The following SPHKAP variants were observed in gnomAD, a reference collection of about 807,000 sequenced individuals.
SPHKAP encodes the protein A-kinase anchor protein SPHKAP.
Under a neutral mutation model 137.5 loss-of-function variants are expected in SPHKAP, and 67 were observed. That is an observed-to-expected ratio of 0.49 (90% confidence interval 0.40 to 0.60). The LOEUF (loss-of-function observed/expected upper bound fraction) is 0.60. Among genes scored for constraint, SPHKAP ranks in the 20% least tolerant of loss-of-function variants. SPHKAP has a pLI of 0.00. For missense variants in SPHKAP, 2,097 were observed against 2,069.3 expected (o/e 1.01, Z -0.26); for synonymous variants, 813 against 785.3 (o/e 1.04, Z -0.59).
chr2:228,130,069 T>C (rs932280689), intron 2 of SPHKAP, among the ~76,000 whole-genome samples: 1 of 152,204 alleles, frequency 6.6e-6, no homozygotes, highest in Admixed American at 6.5e-5. Flanking sequence ...GTGCTGGGAT[T>C]ACAGGCATGA....
intron 3 of SPHKAP, among the ~76,000 whole-genome samples, chr2:228,072,701 G>C (rs1697041884): frequency 6.6e-6 from 1 of 152,206 alleles, no homozygotes; most frequent in South Asian, 2.1e-4. Context: ...CACCATATAT[G>C]AAGTCTGGCT....
chr2:228,150,771 G>A (rs981345575), intron 1 of SPHKAP, among the ~76,000 whole-genome samples: 1 of 151,356 alleles, frequency 6.6e-6, no homozygotes, highest in Non-Finnish European at 1.5e-5. Context: ...TTTTTTTGGA[G>A]ACAGGGTCTC....
At chr2:227,995,473 C>T in intron 8 of SPHKAP, 36 bp downstream of exon 8, 1 of 1,612,088 alleles carries the variant, frequency 6.2e-7, no homozygotes, top group Non-Finnish European at 8.5e-7. Flanking sequence ...TGTGTTGAGA[C>T]CAATTTCCCT....
At chr2:228,122,895 T>C (rs1026159904) in intron 2 of SPHKAP, among the ~76,000 whole-genome samples, 1 of 152,162 alleles carries the variant, frequency 6.6e-6, no homozygotes, top group Non-Finnish European at 1.5e-5. Flanking sequence ...TTCTCCTCTC[T>C]GTCTCCCAGT....
intron 3 of SPHKAP, among the ~76,000 whole-genome samples, chr2:228,062,766 T>C (rs68044946): frequency 0.36 from 54,314 of 151,998 alleles, 9,973 homozygotes; most frequent in South Asian, 0.5. Context: ...TAATCCATCA[T>C]GAAGAACCAT....
At chr2:228,004,091 G>A (rs1314905887) in intron 7 of SPHKAP, among the ~76,000 whole-genome samples, 1 of 152,142 alleles carries the variant, frequency 6.6e-6, no homozygotes, top group Non-Finnish European at 1.5e-5. Flanking sequence ...GAGTTAGGGA[G>A]GATGCCCTCT....
intron 3 of SPHKAP, among the ~76,000 whole-genome samples, chr2:228,075,579 A>G (rs189601015): frequency 1.6e-3 from 249 of 152,294 alleles, no homozygotes; most frequent in African/African-American, 5.8e-3. Flanking sequence ...AAATACTGTT[A>G]GTAATTACAG....
chr2:228,070,976 G>A (rs1696986991), intron 3 of SPHKAP, among the ~76,000 whole-genome samples: 1 of 152,150 alleles, frequency 6.6e-6, no homozygotes, highest in Non-Finnish European at 1.5e-5. Context: ...AGTATCAAAA[G>A]AGTTGATATT....
intron 1 of SPHKAP, among the ~76,000 whole-genome samples, chr2:228,161,720 A>T (rs1700282191): frequency 6.6e-6 from 1 of 152,132 alleles, no homozygotes; most frequent in African/African-American, 2.4e-5. Flanking sequence ...AATAAAATAA[A>T]ATAAAATAAA....
At chr2:228,134,766 GCT>G (rs1699380517) in intron 1 of SPHKAP, among the ~76,000 whole-genome samples, 1 of 152,182 alleles carries the variant, frequency 6.6e-6, no homozygotes, top group African/African-American at 2.4e-5. Context: ...GGGTCCCACA[GCT>G]CTGTGTCCTG....
chr2:228,077,068 C>A (rs1440295415), intron 3 of SPHKAP, among the ~76,000 whole-genome samples: 1 of 152,176 alleles, frequency 6.6e-6, no homozygotes, highest in African/African-American at 2.4e-5. Context: ...AAGCCTCAAG[C>A]CTTGGCAGCT....
At chr2:228,030,692 A>G (rs1695274112) in intron 3 of SPHKAP, among the ~76,000 whole-genome samples, 1 of 151,852 alleles carries the variant, frequency 6.6e-6, no homozygotes. Flanking sequence ...CAGGAATATG[A>G]TATCTAATTG....
At chr2:228,020,805 G>T (rs961955300) in intron 6 of SPHKAP, among the ~76,000 whole-genome samples, 2 of 152,128 alleles carry the variant, frequency 1.3e-5, no homozygotes, top group African/African-American at 2.4e-5. Flanking sequence ...CAAGAAAAAT[G>T]AATCTGAAAA....
intron 3 of SPHKAP, among the ~76,000 whole-genome samples, chr2:228,028,391 T>C (rs541835665): frequency 2.0e-5 from 3 of 152,340 alleles, no homozygotes; most frequent in African/African-American, 7.2e-5. Flanking sequence ...TTGTTAGCTA[T>C]GTTGGATAAA....
intron 1 of SPHKAP, among the ~76,000 whole-genome samples, chr2:228,144,976 T>C (rs1377632549): frequency 6.6e-6 from 1 of 152,198 alleles, no homozygotes; most frequent in African/African-American, 2.4e-5. Flanking sequence ...TTATCACGGA[T>C]AATTGTTTAT....
intron 2 of SPHKAP, among the ~76,000 whole-genome samples, chr2:228,123,895 G>C (rs10174522): frequency 0.34 from 51,676 of 151,620 alleles, 9,013 homozygotes; most frequent in East Asian, 0.5. Flanking sequence ...AGAAAAAAAT[G>C]AAACAACCCC....
At chr2:227,984,067 G>GAGGC (rs1189267188) in intron 11 of SPHKAP, among the ~76,000 whole-genome samples, 2 of 152,144 alleles carry the variant, frequency 1.3e-5, no homozygotes, top group Non-Finnish European at 2.9e-5. Flanking sequence ...TTGGGAGGCT[G>GAGGC]AGGCAGGCTG....
Position 228,017,974 on chromosome 2 carries a change from A to C in SPHKAP, c.2880T>G (p.Cys960Trp), listed in dbSNP as rs924093976. Residue 960 changes from cysteine (C) to tryptophan (W), a missense_variant, in exon 7 of 12, where the codon TGT becomes TGG. Physicochemically the swap from Cys to Trp is radical, Grantham distance 215. Transcript: ENST00000392056. The part of the protein sequence containing the change: ...DNSSGKQPWF[C>W]AWKRGSEFLM... ...GAAACTCACTCCCTCTTTTCCATGC[A>C]CAAAACCAGGGTTGTTTTCCACTGG... 8.7e-6 allele frequency: 14 copies of C among 1,613,998 alleles called. No individual in the cohort carries two copies. Among genetic ancestry groups the C allele is most frequent in the Non-Finnish European group, 1.2e-5 (14 of 1,180,030 alleles).
In SPHKAP at chr2:228,019,288, C is replaced by T; in HGVS notation, c.1566G>A (p.Glu522=). The change falls in exon 7 of 12, where the codon GAG becomes GAA. Residue 522 remains glutamate (E), a synonymous_variant. Coordinates refer to ENST00000392056, the MANE Select transcript of SPHKAP (RefSeq NM_001142644.2). ...SPQATERLKM[E]QVVSNFPPGS... is the part of the protein sequence containing the mutation. The stretch of plus-strand genomic sequence containing the variant: ...CTGGGGGAAAGTTCGAGACCACTTG[C>T]TCCATTTTGAGTCTTTCTGTGGCCT... The T allele has an allele frequency of 6.2e-7, 1 of 1,614,056 alleles. No homozygotes were observed.
Sources: gnomAD v4.1 joint callset for allele counts (sites outside exome capture counted in the v4.1 genomes callset) on GRCh38, gnomAD v4.1.1 for gene constraint, MANE v1.5 for transcripts, NCBI Gene and HGNC (gene_info 2026-07-23, HGNC 2026-07-21) for gene names.